Variants in BTBD16 observed in about 807,000 individuals in gnomAD.
The protein encoded by BTBD16 is BTB/POZ domain-containing protein 16.
A neutral mutation model predicts 67.4 loss-of-function variants in BTBD16; 66 were observed. The observed-to-expected ratio is 0.98, with a 90% CI of 0.80 to 1.20. The LOEUF (loss-of-function observed/expected upper bound fraction) is 1.20, where lower values mean the gene tolerates loss of function less well. Among genes scored for constraint, BTBD16 ranks in the 50% most tolerant of loss-of-function variants. BTBD16 has a pLI of 0.00. For synonymous variants in BTBD16, 242 were observed against 236.4 expected (o/e 1.02, Z -0.22); for missense variants, 634 against 616.0 (o/e 1.03, Z -0.31).
chr10:122,285,116 G>C (rs547254629), intron 4 of BTBD16, among the ~76,000 whole-genome samples: 14 of 152,278 alleles, frequency 9.2e-5, no homozygotes, highest in Admixed American at 6.5e-4. Flanking sequence ...GTCACACCGT[G>C]AAACTAATGG....
chr10:122,286,246 G>A lies in BTBD16; in HGVS notation c.383G>A (p.Arg128Gln), dbSNP rs368179412. Residue 128 changes from arginine to glutamine, a missense_variant and splice_region_variant, in exon 5 of 16, where the codon CGA becomes CAA. Transcript: ENST00000260723. ...HPLRELEELL[R>Q]AQSPKKTKEK... ...CTGAGGGAGCTGGAGGAGCTTCTGC[G>A]AGGTACTTCCTCCCTGGCACCCAGT... 37 of 1,606,034 alleles carry A rather than the reference G, an allele frequency of 2.3e-5. No individual in the cohort carries two copies. The highest frequency in any genetic ancestry group is 1.4e-4 in the South Asian group (13 of 90,544).
chr10:122,326,205 A>G (rs1455284425), intron 10 of BTBD16, among the ~76,000 whole-genome samples: 1 of 152,218 alleles, frequency 6.6e-6, no homozygotes, highest in Non-Finnish European at 1.5e-5. Flanking sequence ...AAATATGCAT[A>G]GCATGAATTT....
chr10:122,288,712 T>C (rs539565092), intron 5 of BTBD16, among the ~76,000 whole-genome samples: 3 of 151,628 alleles, frequency 2.0e-5, no homozygotes, highest in Non-Finnish European at 4.4e-5. Context: ...AAGAATAAAA[T>C]CAGTTAGCAG....
chr10:122,327,690 T>C, intron 10 of BTBD16: 1 of 969,552 alleles, frequency 1.0e-6, no homozygotes, highest in Non-Finnish European at 1.2e-6. Context: ...CAACAAGCTG[T>C]CTCAACAAAG....
intron 9 of BTBD16, among the ~76,000 whole-genome samples, chr10:122,306,487 CG>C (rs1359416555): frequency 1.3e-5 from 2 of 152,184 alleles, no homozygotes; most frequent in African/African-American, 2.4e-5. Flanking sequence ...ATTGCAGCTG[CG>C]GGGCAGTTAA....
At chr10:122,274,816 A>G (rs1410562198) in intron 1 of BTBD16, among the ~76,000 whole-genome samples, 2 of 152,046 alleles carry the variant, frequency 1.3e-5, no homozygotes, top group African/African-American at 2.4e-5. Flanking sequence ...TTCCCAGAAC[A>G]ATAGCAGAGA....
chr10:122,278,171 C>G (rs1179010859), intron 3 of BTBD16, among the ~76,000 whole-genome samples: 1 of 152,174 alleles, frequency 6.6e-6, no homozygotes, highest in Non-Finnish European at 1.5e-5. Flanking sequence ...ATCCCAAAAG[C>G]TGATGAGAGG....
In BTBD16 at chr10:122,336,372, G is replaced by C. The variant is rs1019076795; in HGVS notation, c.1264-122G>C. 8 of 833,106 alleles carry C rather than the reference G, an allele frequency of 9.6e-6. No homozygotes were observed. In the African/African-American group the frequency reaches 1.4e-4, roughly 15 times the overall value. 51.6% of individuals were successfully genotyped at this position (833,106 alleles called of 1,614,324 possible). ...ACTTTTAGGAGATGGTGCCAATTGG[G>C]AAATGCCCTCTTGCTGCCTGCACAC... is the stretch of plus-strand genomic sequence containing the variant. On this transcript the variant is annotated intron_variant, in intron 14 of 15. Transcript: ENST00000260723.
chr10:122,329,378 A>G, intron 10 of BTBD16, 102 bp from the exon 11 acceptor site: 1 of 1,077,412 alleles, frequency 9.3e-7, no homozygotes, highest in Non-Finnish European at 1.4e-6. Context: ...CCCCCTGGCT[A>G]GTGAAGCCAC....
chr10:122,286,055 G>C (rs907749430), intron 4 of BTBD16, 50 bp from the exon 5 acceptor site: 4 of 1,538,830 alleles, frequency 2.6e-6, no homozygotes, highest in Non-Finnish European at 3.6e-6. Flanking sequence ...ATGCATCTTT[G>C]GGTGGGGACG....
chr10:122,301,544 C>G (rs1221444295), intron 9 of BTBD16, among the ~76,000 whole-genome samples: 2 of 152,078 alleles, frequency 1.3e-5, no homozygotes, highest in African/African-American at 4.8e-5. Flanking sequence ...CAGGCTCTGC[C>G]CACATCTTCT....
intron 10 of BTBD16, among the ~76,000 whole-genome samples, chr10:122,328,311 G>T (rs563764551): frequency 6.6e-6 from 1 of 152,138 alleles, no homozygotes. Flanking sequence ...GAAAGCATCC[G>T]CCTGACCTTA....
chr10:122,292,033 C>T (rs933889478), intron 7 of BTBD16, among the ~76,000 whole-genome samples: 3 of 152,188 alleles, frequency 2.0e-5, no homozygotes, highest in Admixed American at 6.5e-5. Context: ...GGTGTTTCCA[C>T]CTGCATCCAA....
At chr10:122,322,959 G>A (rs577289569) in intron 10 of BTBD16, among the ~76,000 whole-genome samples, 2 of 152,270 alleles carry the variant, frequency 1.3e-5, no homozygotes, top group South Asian at 2.1e-4. Context: ...CATGGCTCCC[G>A]CACTGGCCAT....
Position 122,336,497 on chromosome 10 carries a change from A to T in BTBD16, c.1267A>T (p.Ile423Leu). The T allele has an allele frequency of 6.2e-7, 1 of 1,603,914 alleles. No homozygotes were observed. The highest frequency in any genetic ancestry group is 8.5e-7 in the Non-Finnish European group (1 of 1,175,786). Reference protein sequence around the residue: ...TTSYSFYMQRIKHTDLESPSA... With the variant: ...TTSYSFYMQRLKHTDLESPSA... ...AGGTGAATCACTCTCTTTGCAGAGA[A>T]TAAAGCACACAGACCTGGAATCTCC... Residue 423 changes from isoleucine to leucine, a missense_variant, in exon 15 of 16, where the codon ATA (isoleucine) becomes TTA (leucine). Ile to Leu is a conservative substitution (Grantham distance 5). Transcript: ENST00000260723.
chr10:122,322,780 T>C (rs2096437833), intron 10 of BTBD16, among the ~76,000 whole-genome samples: 1 of 152,200 alleles, frequency 6.6e-6, no homozygotes, highest in Admixed American at 6.5e-5. Flanking sequence ...TGATCCACTG[T>C]GCCTCCACAC....
intron 13 of BTBD16, 51 bp downstream of exon 13, chr10:122,332,564 A>G (rs778248013): frequency 7.6e-6 from 12 of 1,571,578 alleles, no homozygotes; most frequent in African/African-American, 1.4e-5. Flanking sequence ...TCTCGTGCTT[A>G]GTTAAGAACC....
chr10:122,334,362 A>C (rs528715030), intron 13 of BTBD16, among the ~76,000 whole-genome samples: 2 of 149,388 alleles, frequency 1.3e-5, no homozygotes, highest in Admixed American at 1.3e-4. Context: ...CGCCTGGCTA[A>C]TTTTTTGTAT....
At chr10:122,289,136 C>T (rs2096369176) in intron 5 of BTBD16, among the ~76,000 whole-genome samples, 1 of 152,172 alleles carries the variant, frequency 6.6e-6, no homozygotes, top group South Asian at 2.1e-4. Context: ...ACAGGGACAC[C>T]TCAGTCCCAT....
Sources: allele counts gnomAD v4.1 joint callset (sites outside exome capture counted in the v4.1 genomes callset), GRCh38; gene constraint gnomAD v4.1.1; transcripts MANE v1.5; gene names NCBI Gene and HGNC (gene_info 2026-07-23, HGNC 2026-07-21).